Variants in ACTN1 observed in about 807,000 individuals in gnomAD.
The protein encoded by ACTN1 is actinin alpha 1.
Under a neutral mutation model 119.6 loss-of-function variants are expected in ACTN1, and 30 were observed. The ratio of observed to expected loss-of-function variants is 0.25; its 90% CI spans 0.19 to 0.34. The LOEUF (loss-of-function observed/expected upper bound fraction) is 0.34. Among genes scored for constraint, ACTN1 ranks in the 10% least tolerant of loss-of-function variants. ACTN1 has a pLI of 1.00. For missense variants in ACTN1, 764 were observed against 1,223.4 expected, an observed-to-expected ratio of 0.62 and a Z score of 5.60; for synonymous variants, 429 against 472.6, an observed-to-expected ratio of 0.91 and a Z score of 1.20.
intron 3 of ACTN1, among the ~76,000 whole-genome samples, chr14:68,912,523 T>C (rs1054261421): frequency 5.3e-5 from 8 of 152,046 alleles, no homozygotes; most frequent in Non-Finnish European, 2.9e-5. Flanking sequence ...GGACTACAGA[T>C]AGGCCACCAC....
At chr14:68,926,949 G>A (rs566883196) in intron 1 of ACTN1, among the ~76,000 whole-genome samples, 60 of 152,296 alleles carry the variant, frequency 3.9e-4, no homozygotes, top group African/African-American at 1.0e-3. Flanking sequence ...CCACACAGGC[G>A]GGGAGAAAGG....
intron 2 of ACTN1, among the ~76,000 whole-genome samples, chr14:68,923,297 CAG>C (rs2034748102): frequency 6.6e-6 from 1 of 152,008 alleles, no homozygotes. Context: ...AAAGACACAG[CAG>C]AGGAATTAAT....
chr14:68,936,438 A>C (rs553828501), intron 1 of ACTN1, among the ~76,000 whole-genome samples: 7 of 152,106 alleles, frequency 4.6e-5, no homozygotes, highest in Non-Finnish European at 1.0e-4. Context: ...GGGGTAGAGA[A>C]CACTTGCTTT....
intron 14 of ACTN1, 69 bp from the exon 15 acceptor site, chr14:68,883,124 G>A: frequency 2.6e-6 from 4 of 1,521,874 alleles, no homozygotes; most frequent in Non-Finnish European, 3.6e-6. Context: ...GAAGGGCCAT[G>A]GAGGTTGAGT....
At chr14:68,973,042 A>G (rs954922033) in intron 1 of ACTN1, among the ~76,000 whole-genome samples, 2 of 152,204 alleles carry the variant, frequency 1.3e-5, no homozygotes, top group African/African-American at 4.8e-5. Context: ...CCTGCCCATC[A>G]CTAGACCAGA....
chr14:68,970,253 AAGGTT>A (rs1290000282), intron 1 of ACTN1, among the ~76,000 whole-genome samples: 2 of 152,016 alleles, frequency 1.3e-5, no homozygotes, highest in Non-Finnish European at 2.9e-5. Context: ...TTAGGCCTGG[AAGGTT>A]CAAAGCTGGG....
chr14:68,976,948 A>G (rs2037081854), intron 1 of ACTN1, among the ~76,000 whole-genome samples: 1 of 152,178 alleles, frequency 6.6e-6, no homozygotes, highest in South Asian at 2.1e-4. Flanking sequence ...CTGGGAATCT[A>G]TATTCTTCTC....
chr14:68,913,209 G>GGAATACA (rs1187628585), intron 3 of ACTN1, among the ~76,000 whole-genome samples: 1 of 152,104 alleles, frequency 6.6e-6, no homozygotes, highest in East Asian at 1.9e-4. Flanking sequence ...CTAATGGCAG[G>GGAATACA]GAATACAACA....
intron 1 of ACTN1, among the ~76,000 whole-genome samples, chr14:68,953,645 G>A (rs1012219989): frequency 4.0e-5 from 6 of 151,728 alleles, no homozygotes; most frequent in African/African-American, 9.7e-5. Flanking sequence ...TTGGGAGGCC[G>A]AGGCAGGCAG....
chr14:68,925,749 CA>C lies in ACTN1; in HGVS notation c.106-78del, dbSNP rs1020511538. 4 of 1,220,128 alleles carry C rather than the reference CA, an allele frequency of 3.3e-6. No individual in the cohort carries two copies. The highest frequency in any genetic ancestry group is 4.7e-6 in the Non-Finnish European group (4 of 850,188). 75.6% of individuals were successfully genotyped at this position (1,220,128 alleles called of 1,614,324 possible). ...CATTGGACAAGCCATTTAATGGTGC[CA>C]GGGGGTGGGAGGTGGACACCTACTC... On this transcript the variant is annotated intron_variant, in intron 1 of 21. Transcript: ENST00000394419. The surrounding 1 kb of genome is among the most constrained non-coding windows in gnomAD (Gnocchi z 4.3).
At chr14:68,920,892 C>T in intron 3 of ACTN1, 114 bp downstream of exon 3, 1 of 1,414,822 alleles carries the variant, frequency 7.1e-7, no homozygotes, top group African/African-American at 1.4e-5. Flanking sequence ...TGGGGACCCA[C>T]TGCCCAATGC....
rs779172207 is a variant in ACTN1, at chr14:68,925,622, G to A, written c.156C>T (p.Ile52=). 41 of 1,613,342 alleles carry A rather than the reference G, an allele frequency of 2.5e-5. 1 individual carries two copies. The highest frequency in any genetic ancestry group is 1.6e-4 in the South Asian group (15 of 90,970). Residue 52 remains isoleucine (I), a synonymous_variant, in exon 2 of 22, where the codon ATC becomes ATT. Transcript: ENST00000394419. This position sits in a 1 kb window ranked among gnomAD's most constrained non-coding sequence, Gnocchi z 4.3. ...CCCGGAAGTCCTCTTCGATGTTCTC[G>A]ATCTGTGTCCCCGCCTTCCGGAGGT... ...NSHLRKAGTQ[I]ENIEEDFRDG...
At chr14:68,957,109 A>C (rs1186581389) in intron 1 of ACTN1, among the ~76,000 whole-genome samples, 1 of 152,128 alleles carries the variant, frequency 6.6e-6, no homozygotes, top group Non-Finnish European at 1.5e-5. Flanking sequence ...AATCATCCAC[A>C]GCCCCTGGAA....
chr14:68,967,097 C>T (rs2036732073), intron 1 of ACTN1, among the ~76,000 whole-genome samples: 1 of 152,202 alleles, frequency 6.6e-6, no homozygotes, highest in Admixed American at 6.5e-5. Flanking sequence ...CTGAGGTCAT[C>T]CTAGGCTATG....
At chr14:68,966,597 TC>T (rs61066043) in intron 1 of ACTN1, among the ~76,000 whole-genome samples, 4,688 of 152,064 alleles carry the variant, frequency 0.031, 198 homozygotes, top group African/African-American at 0.097. Flanking sequence ...TTCACACCTA[TC>T]CCCACTCCCA....
chr14:68,931,369 A>G (rs2035214021), intron 1 of ACTN1, among the ~76,000 whole-genome samples: 1 of 152,218 alleles, frequency 6.6e-6, no homozygotes. Context: ...GTCAAGAGGC[A>G]AGAGAGATCA....
Position 68,882,814 on chromosome 14 carries a change from G to T in ACTN1, c.1818+59C>A. On this transcript the variant is annotated intron_variant, in intron 15 of 21. Coordinates refer to ENST00000394419, the MANE Select transcript of ACTN1 (RefSeq NM_001130004.2). This position sits in a 1 kb window ranked among gnomAD's most constrained non-coding sequence, Gnocchi z 4.5. ...AAATTGACAAAAATCAATTAAAATGGACAAAAATCCCTGCCTTTATGAAAC... is the reference window on the plus strand; with the variant it reads ...AAATTGACAAAAATCAATTAAAATGTACAAAAATCCCTGCCTTTATGAAAC... 1 of 1,581,794 alleles carries T rather than the reference G, an allele frequency of 6.3e-7. No individual in the cohort carries two copies. The highest frequency in any genetic ancestry group is 1.1e-5 in the South Asian group (1 of 89,392).
intron 1 of ACTN1, among the ~76,000 whole-genome samples, chr14:68,958,028 A>G (rs1159475775): frequency 6.6e-6 from 1 of 152,120 alleles, no homozygotes; most frequent in Non-Finnish European, 1.5e-5. Context: ...CGATTCCACC[A>G]CTTCTCACAC....
At chr14:68,958,019 G>A (rs527356974) in intron 1 of ACTN1, among the ~76,000 whole-genome samples, 5 of 152,146 alleles carry the variant, frequency 3.3e-5, no homozygotes, top group Admixed American at 6.5e-5. Context: ...TTTCCCAGGC[G>A]ATTCCACCAC....
Sources: gnomAD v4.1 joint callset for allele counts (sites outside exome capture counted in the v4.1 genomes callset) on GRCh38, gnomAD v4.1.1 for gene constraint, Gnocchi (gnomAD v3.1) non-coding constraint, MANE v1.5 for transcripts, NCBI Gene and HGNC (gene_info 2026-07-23, HGNC 2026-07-21) for gene names.